Variants in EYS observed in about 807,000 individuals in gnomAD.
EYS encodes the protein protein eyes shut homolog.
Under a neutral mutation model 282.1 loss-of-function variants are expected in EYS, and 250 were observed. The ratio of observed to expected loss-of-function variants is 0.89; its 90% CI spans 0.80 to 0.98. EYS has a LOEUF of 0.98. EYS is among the 50% of genes least tolerant of loss of function. The pLI, the probability that EYS is intolerant of heterozygous loss-of-function variation, is 0.00. For synonymous variants in EYS, 1,355 were observed against 1,282.9 expected (o/e 1.06, Z -1.20); for missense variants, 4,016 against 3,709.0 (o/e 1.08, Z -2.15).
intron 12 of EYS, among the ~76,000 whole-genome samples, chr6:65,271,868 G>A (rs906649116): frequency 2.0e-5 from 3 of 152,158 alleles, no homozygotes; most frequent in African/African-American, 7.2e-5. Flanking sequence ...GCAGGCGTGA[G>A]CCACTGCACC....
chr6:64,870,133 T>C (rs951257117), intron 19 of EYS, among the ~76,000 whole-genome samples: 16 of 151,652 alleles, frequency 1.1e-4, no homozygotes, highest in African/African-American at 3.6e-4. Context: ...ATGGTTTCTT[T>C]ACACAAGATG....
At chr6:65,232,232 G>T (rs1227508145) in intron 12 of EYS, among the ~76,000 whole-genome samples, 1 of 151,846 alleles carries the variant, frequency 6.6e-6, no homozygotes, top group South Asian at 2.1e-4. Context: ...CAGAACTGTG[G>T]GTGCAGATAT....
intron 26 of EYS, among the ~76,000 whole-genome samples, chr6:64,491,569 G>A (rs1776741630): frequency 6.6e-6 from 1 of 150,888 alleles, no homozygotes; most frequent in African/African-American, 2.4e-5. Flanking sequence ...GCCAGTACTG[G>A]TCTAGACACT....
intron 31 of EYS, among the ~76,000 whole-genome samples, chr6:64,094,885 G>A (rs1053222785): frequency 7.2e-5 from 11 of 151,812 alleles, no homozygotes; most frequent in South Asian, 2.1e-4. Flanking sequence ...TCCTTTGTTC[G>A]CATTTAGTGC....
intron 22 of EYS, among the ~76,000 whole-genome samples, chr6:64,693,846 G>C (rs2149917167): frequency 6.6e-6 from 1 of 152,178 alleles, no homozygotes; most frequent in Admixed American, 6.6e-5. Context: ...GGGAGAAGTA[G>C]CCTCCAAACA....
At chr6:64,997,355 A>T (rs1771299750) in intron 14 of EYS, among the ~76,000 whole-genome samples, 1 of 152,184 alleles carries the variant, frequency 6.6e-6, no homozygotes, top group African/African-American at 2.4e-5. Flanking sequence ...ACAGTTTGTT[A>T]TATAATATTT....
intron 36 of EYS, among the ~76,000 whole-genome samples, chr6:63,848,497 T>C (rs1035744845): frequency 8.6e-5 from 13 of 151,616 alleles, no homozygotes; most frequent in Admixed American, 2.0e-4. Context: ...GTTCATCTCA[T>C]TGGGACTGGT....
chr6:65,259,630 ATTGGT>A (rs1158352161), intron 12 of EYS, among the ~76,000 whole-genome samples: 1 of 152,094 alleles, frequency 6.6e-6, no homozygotes, highest in Non-Finnish European at 1.5e-5. Context: ...AGCCAAGATT[ATTGGT>A]TTGTTTTGTT....
chr6:65,324,863 G>C (rs905401), intron 11 of EYS, among the ~76,000 whole-genome samples: 2 of 152,240 alleles, frequency 1.3e-5, no homozygotes, highest in Non-Finnish European at 2.9e-5. Context: ...GTTTCCTCAC[G>C]AAGTGTCAGA....
At chr6:64,784,072 A>G (rs1174770082) in intron 22 of EYS, among the ~76,000 whole-genome samples, 1 of 152,130 alleles carries the variant, frequency 6.6e-6, no homozygotes, top group Non-Finnish European at 1.5e-5. Flanking sequence ...ATTGGTTACT[A>G]TATGTGATTA....
At chr6:64,819,656 T>C (rs572755180) in intron 21 of EYS, among the ~76,000 whole-genome samples, 29 of 152,014 alleles carry the variant, frequency 1.9e-4, no homozygotes, top group African/African-American at 3.9e-4. Flanking sequence ...GAGAATATAA[T>C]AATATATTTA....
chr6:64,667,287 C>A (rs1475543534), intron 22 of EYS, among the ~76,000 whole-genome samples: 2 of 151,194 alleles, frequency 1.3e-5, no homozygotes, highest in East Asian at 3.9e-4. Flanking sequence ...ATTTGATCTC[C>A]TAATTTCTTA....
At chr6:64,258,642 T>C (rs1395092193) in intron 30 of EYS, among the ~76,000 whole-genome samples, 1 of 152,078 alleles carries the variant, frequency 6.6e-6, no homozygotes, top group Non-Finnish European at 1.5e-5. Context: ...AATAATCTAA[T>C]AGCATTTACC....
chr6:65,200,645 C>T (rs1050064841), intron 12 of EYS, among the ~76,000 whole-genome samples: 2 of 151,568 alleles, frequency 1.3e-5, no homozygotes, highest in African/African-American at 2.4e-5. Context: ...GTGTATATAC[C>T]ATGACCCATA....
intron 22 of EYS, among the ~76,000 whole-genome samples, chr6:64,767,474 T>C (rs1773388040): frequency 6.6e-6 from 1 of 152,140 alleles, no homozygotes; most frequent in Non-Finnish European, 1.5e-5. Context: ...TATTTTTCTT[T>C]TTCTATTTTT....
Position 63,870,023 on chromosome 6 carries a change from C to A in EYS, c.7056-5665G>T, listed in dbSNP as rs559667185. Among the ~76,000 whole-genome samples the A allele has an allele frequency of 2.9e-3, 446 of 152,214 alleles. 2 individuals are homozygous for A. Among genetic ancestry groups the A allele is most frequent in the Middle Eastern group, 6.8e-3 (2 of 294 alleles). On this transcript the variant is annotated intron_variant, in intron 35 of 42. Coordinates refer to ENST00000503581, the MANE Select transcript of EYS (RefSeq NM_001142800.2). Reference sequence around the variant, plus strand: ...CACTGTAAAATTAGCCAGTCTCCAGCCCCCTGCATGGTAAGGGCAATCTGG... The same window carrying A: ...CACTGTAAAATTAGCCAGTCTCCAGACCCCTGCATGGTAAGGGCAATCTGG...
intron 22 of EYS, among the ~76,000 whole-genome samples, chr6:64,807,338 A>C (rs1242745326): frequency 6.6e-6 from 1 of 152,110 alleles, no homozygotes; most frequent in Non-Finnish European, 1.5e-5. Flanking sequence ...TTGTGACTTC[A>C]GCTTTGATGA....
intron 2 of EYS, among the ~76,000 whole-genome samples, chr6:65,578,328 A>T (rs2127358384): frequency 6.6e-6 from 1 of 151,968 alleles, no homozygotes; most frequent in South Asian, 2.1e-4. Context: ...AGCCAGGCAC[A>T]GAAAGACAAA....
At chr6:65,151,910 A>T (rs1168505767) in intron 12 of EYS, among the ~76,000 whole-genome samples, 3 of 151,844 alleles carry the variant, frequency 2.0e-5, no homozygotes, top group African/African-American at 7.2e-5. Flanking sequence ...TTTTCCTCCC[A>T]CTATTTTATT....
Sources: gnomAD v4.1 joint callset for allele counts (sites outside exome capture counted in the v4.1 genomes callset) on GRCh38, gnomAD v4.1.1 for gene constraint, MANE v1.5 for transcripts, NCBI Gene and HGNC (gene_info 2026-07-23, HGNC 2026-07-21) for gene names.